Variants in DNAAF4 observed in about 807,000 individuals in gnomAD.
DNAAF4 encodes dynein assembly factor 4, axonemal.
DNAAF4 carries 43 observed loss-of-function variants against 51.8 expected under a neutral mutation model. The observed-to-expected ratio is 0.83, with a 90% CI of 0.65 to 1.07. The LOEUF (loss-of-function observed/expected upper bound fraction) is 1.07, where lower values mean the gene tolerates loss of function less well. Among genes scored for constraint, DNAAF4 ranks in the 50% least tolerant of loss-of-function variants. The pLI is 0.00. For synonymous variants in DNAAF4, 194 were observed against 165.6 expected (o/e 1.17, Z -1.32); for missense variants, 581 against 493.0 (o/e 1.18, Z -1.69).
At chr15:55,486,446 G>A (rs779681649) in intron 4 of DNAAF4, among the ~76,000 whole-genome samples, 3 of 151,832 alleles carry the variant, frequency 2.0e-5, no homozygotes, top group African/African-American at 2.4e-5. Flanking sequence ...CACCTGCCTC[G>A]GCCTTCCAAA....
rs1402140327 is a variant in DNAAF4, at chr15:55,435,074, C to T, written c.894-16G>A. ...AAACAATTTGCTAATGAGACAAAAA[C>T]AGAGAAGAAAAACAATTTAACATTG... On this transcript the variant is annotated splice_polypyrimidine_tract_variant and intron_variant, in intron 7 of 9. Transcript: ENST00000321149. 1 of 1,567,734 alleles carries T rather than the reference C, an allele frequency of 6.4e-7. No individual in the cohort carries two copies. The highest frequency in any genetic ancestry group is 8.6e-7 in the Non-Finnish European group (1 of 1,162,938).
intron 7 of DNAAF4, among the ~76,000 whole-genome samples, chr15:55,425,262 G>A (rs1463056361): frequency 6.6e-6 from 1 of 152,150 alleles, no homozygotes; most frequent in East Asian, 1.9e-4. Flanking sequence ...CTTGATATTT[G>A]ACCAGATTCC....
chr15:55,496,521 G>C (rs969136775), intron 3 of DNAAF4, among the ~76,000 whole-genome samples: 8 of 152,134 alleles, frequency 5.3e-5, no homozygotes, highest in African/African-American at 1.4e-4. Context: ...TGTAAAAAAA[G>C]GGTAATAATA....
intron 4 of DNAAF4, among the ~76,000 whole-genome samples, chr15:55,475,136 T>G (rs2058319442): frequency 6.6e-6 from 1 of 152,174 alleles, no homozygotes; most frequent in African/African-American, 2.4e-5. Flanking sequence ...GCGCTGCAAA[T>G]TTACAAAGTC....
intron 3 of DNAAF4, 83 bp from the exon 4 acceptor site, chr15:55,491,339 A>G (rs149290920): frequency 7.2e-7 from 1 of 1,388,130 alleles, no homozygotes; most frequent in African/African-American, 1.4e-5. Flanking sequence ...AAACTGACCC[A>G]GGATGAGATT....
At chr15:55,471,935 G>T (rs1471273758) in intron 4 of DNAAF4, among the ~76,000 whole-genome samples, 1 of 152,158 alleles carries the variant, frequency 6.6e-6, no homozygotes, top group African/African-American at 2.4e-5. Flanking sequence ...CGCCTCTCGG[G>T]TTCAAGCAAT....
At chr15:55,446,495 G>A (rs534183729) in intron 6 of DNAAF4, among the ~76,000 whole-genome samples, 16 of 146,964 alleles carry the variant, frequency 1.1e-4, no homozygotes, top group East Asian at 1.0e-3. Flanking sequence ...CATCCTAGAC[G>A]GGGTGGCCAG....
At chr15:55,499,723 G>T (rs1029587555) in intron 1 of DNAAF4, among the ~76,000 whole-genome samples, 2 of 152,202 alleles carry the variant, frequency 1.3e-5, no homozygotes, top group Non-Finnish European at 2.9e-5. Flanking sequence ...ATCTGGAATA[G>T]GGTAAATTGG....
chr15:55,504,894 T>C (rs1016655616), intron 1 of DNAAF4, among the ~76,000 whole-genome samples: 8 of 152,126 alleles, frequency 5.3e-5, no homozygotes, highest in African/African-American at 1.9e-4. Context: ...CCAAAAGCAA[T>C]GGCAACAAAA....
At chr15:55,483,841 T>C (rs1478509251) in intron 4 of DNAAF4, among the ~76,000 whole-genome samples, 1 of 48,282 alleles carries the variant, frequency 2.1e-5, no homozygotes, top group African/African-American at 6.4e-5. Flanking sequence ...AGCTTTTTTT[T>C]TTTTTTTTTT....
intron 1 of DNAAF4, among the ~76,000 whole-genome samples, chr15:55,506,972 C>G (rs2058730470): frequency 6.6e-6 from 1 of 152,062 alleles, no homozygotes; most frequent in Non-Finnish European, 1.5e-5. Flanking sequence ...GTCTCAGCCT[C>G]CTGAGTAGCT....
intron 5 of DNAAF4, among the ~76,000 whole-genome samples, chr15:55,455,710 G>T (rs2058010216): frequency 6.6e-6 from 1 of 152,016 alleles, no homozygotes; most frequent in Admixed American, 6.6e-5. Context: ...GGGATTATAG[G>T]CGTTAGCCAC....
Position 55,439,246 on chromosome 15 carries a change from G to A in DNAAF4, c.893+226C>T, listed in dbSNP as rs561021240. Among the ~76,000 whole-genome samples the A allele has an allele frequency of 3.7e-4, 57 of 152,254 alleles. 2 individuals are homozygous for A. The South Asian group carries it at 0.012, about 32-fold the overall frequency. ...CTTCTGAGTAGCTGGGACTACAGGT[G>A]CTCACCACCACACCAGGCTAATGTT... On this transcript the variant is annotated intron_variant, in intron 7 of 9. Coordinates refer to ENST00000321149, the MANE Select transcript of DNAAF4 (RefSeq NM_130810.4).
chr15:55,419,930 G>A (rs2057374189), intron 7 of DNAAF4, among the ~76,000 whole-genome samples: 1 of 152,116 alleles, frequency 6.6e-6, no homozygotes, highest in African/African-American at 2.4e-5. Context: ...TTGAACCTGG[G>A]AGGTGGAGGT....
intron 4 of DNAAF4, among the ~76,000 whole-genome samples, chr15:55,473,263 GTATATATGTGTA>G (rs1192115458): frequency 0.53 from 55,385 of 105,448 alleles, 15,947 homozygotes; most frequent in East Asian, 0.78. Context: ...ATATATATGT[GTATATATGTGTA>G]TATATATGTG....
intron 9 of DNAAF4, among the ~76,000 whole-genome samples, chr15:55,431,556 GCTCTGCCTTCCGGGTTCACGCCATT>G (rs2057495501): frequency 6.7e-6 from 1 of 149,802 alleles, no homozygotes; most frequent in Non-Finnish European, 1.5e-5. Context: ...CTCACTGCAA[GCTCTGCCTTCCGGGTTCACGCCATT>G]CTCTGGCCTC....
At chr15:55,451,904 A>T (rs1316264457) in intron 5 of DNAAF4, among the ~76,000 whole-genome samples, 1 of 152,094 alleles carries the variant, frequency 6.6e-6, no homozygotes, top group Non-Finnish European at 1.5e-5. Context: ...TACAGGTGTA[A>T]GCCACCACAC....
intron 5 of DNAAF4, among the ~76,000 whole-genome samples, chr15:55,464,287 T>A (rs1282659566): frequency 1.3e-5 from 2 of 152,130 alleles, no homozygotes; most frequent in African/African-American, 2.4e-5. Flanking sequence ...ATCTCTCCCC[T>A]AACACAAAAA....
At chr15:55,426,193 A>C (rs1431126387), downstream of DNAAF4, among the ~76,000 whole-genome samples, 1 of 152,182 alleles carries the variant, frequency 6.6e-6, no homozygotes, top group Non-Finnish European at 1.5e-5. Flanking sequence ...AGGTGGTGCC[A>C]GCTGATCCAG....
Sources: allele counts gnomAD v4.1 joint callset (sites outside exome capture counted in the v4.1 genomes callset), GRCh38; gene constraint gnomAD v4.1.1; transcripts MANE v1.5; gene names NCBI Gene and HGNC (gene_info 2026-07-23, HGNC 2026-07-21).